The following EPM2A variants were observed in gnomAD, a reference collection of about 807,000 sequenced individuals.
The protein encoded by EPM2A is laforin.
Under a neutral mutation model 26.5 loss-of-function variants are expected in EPM2A, and 21 were observed. That is an observed-to-expected ratio of 0.79 (90% CI 0.56 to 1.14). EPM2A has a LOEUF of 1.14. EPM2A is among the 50% of genes most tolerant of loss of function. The pLI is 0.00. For synonymous variants in EPM2A, 217 were observed against 177.6 expected (o/e 1.22, Z -1.76); for missense variants, 458 against 440.8 (o/e 1.04, Z -0.35).
At chr6:145,507,540 G>A (rs1016390487) in intron 2 of EPM2A, among the ~76,000 whole-genome samples, 2 of 152,172 alleles carry the variant, frequency 1.3e-5, no homozygotes, top group Non-Finnish European at 2.9e-5. Context: ...ATAGAGAGAT[G>A]GAGACACTGG....
At chr6:145,623,642 AC>A (rs2045783739), downstream of EPM2A, among the ~76,000 whole-genome samples, 1 of 152,168 alleles carries the variant, frequency 6.6e-6, no homozygotes, top group Non-Finnish European at 1.5e-5. Flanking sequence ...GCTTTTAAAC[AC>A]AGGAGTGACA....
At chr6:145,489,694 G>T in intron 4 of EPM2A, 1 of 1,403,126 alleles carries the variant, frequency 7.1e-7, no homozygotes, top group Non-Finnish European at 1.0e-6. Context: ...AGAATCCACT[G>T]TTGGCTTGCT....
chr6:145,720,629 T>G (rs1343960936), intron 1 of EPM2A, among the ~76,000 whole-genome samples: 1 of 152,176 alleles, frequency 6.6e-6, no homozygotes, highest in African/African-American at 2.4e-5. Flanking sequence ...ATTGTCATAT[T>G]CATCAAACAG....
At chr6:145,614,413 T>C (rs1775462046) in intron 2 of EPM2A, among the ~76,000 whole-genome samples, 1 of 152,270 alleles carries the variant, frequency 6.6e-6, no homozygotes, top group Non-Finnish European at 1.5e-5. Flanking sequence ...GTAACACTTC[T>C]AATTTCCTTC....
intron 1 of EPM2A, among the ~76,000 whole-genome samples, chr6:145,720,719 T>C (rs1775908019): frequency 6.6e-6 from 1 of 152,218 alleles, no homozygotes; most frequent in Non-Finnish European, 1.5e-5. Flanking sequence ...GTAAATGTTA[T>C]GCTAACTTCT....
chr6:145,703,279 G>C (rs1338989710), intron 1 of EPM2A, among the ~76,000 whole-genome samples: 1 of 151,938 alleles, frequency 6.6e-6, no homozygotes, highest in Non-Finnish European at 1.5e-5. Context: ...TTTCAGGAGA[G>C]ACGGGGTTTT....
intron 2 of EPM2A, among the ~76,000 whole-genome samples, chr6:145,613,848 T>C (rs1443866376): frequency 6.6e-6 from 1 of 152,236 alleles, no homozygotes; most frequent in African/African-American, 2.4e-5. Flanking sequence ...AGATTTAGCA[T>C]AATTCTTAAG....
At chr6:145,391,731 G>C (rs975857303) in intron 4 of EPM2A, among the ~76,000 whole-genome samples, 1 of 152,100 alleles carries the variant, frequency 6.6e-6, no homozygotes, top group African/African-American at 2.4e-5. Context: ...TAGATTCCCC[G>C]TGATTGAAGA....
At chr6:145,619,454 A>C (rs1487064816) in intron 2 of EPM2A, among the ~76,000 whole-genome samples, 1 of 152,222 alleles carries the variant, frequency 6.6e-6, no homozygotes. Flanking sequence ...AGGATGATAG[A>C]ATGATTTTGG....
At chr6:145,505,333 TCTC>T (rs1779956456) in intron 2 of EPM2A, among the ~76,000 whole-genome samples, 1 of 152,052 alleles carries the variant, frequency 6.6e-6, no homozygotes, top group Non-Finnish European at 1.5e-5. Context: ...TCTATCTAGA[TCTC>T]CTAACAGTTA....
chr6:145,506,141 C>T (rs576454664), intron 2 of EPM2A, among the ~76,000 whole-genome samples: 9 of 152,322 alleles, frequency 5.9e-5, no homozygotes, highest in African/African-American at 1.2e-4. Context: ...AAGGACTTCA[C>T]ACTACAGTTT....
chr6:145,734,359 A>T (rs891526645), intron 1 of EPM2A, among the ~76,000 whole-genome samples: 1 of 152,230 alleles, frequency 6.6e-6, no homozygotes, highest in Non-Finnish European at 1.5e-5. Flanking sequence ...TTTGTAAAAA[A>T]AAAAAGTATA....
intron 4 of EPM2A, among the ~76,000 whole-genome samples, chr6:145,425,196 C>T (rs745784220): frequency 1.4e-5 from 2 of 146,352 alleles, no homozygotes; most frequent in Admixed American, 6.9e-5. Flanking sequence ...CTTTCTTTGA[C>T]GTAGTCTTGC....
Position 145,686,255 on chromosome 6 carries a change from T to C in EPM2A, c.343A>G (p.Asn115Asp). 1 of 1,614,034 alleles carries C rather than the reference T, an allele frequency of 6.2e-7. No homozygotes were observed. The highest frequency in any genetic ancestry group is 8.5e-7 in the Non-Finnish European group (1 of 1,179,924). The change falls in exon 2 of 4, where the codon AAC (asparagine) becomes GAC (aspartate). Residue 115 changes from asparagine to aspartate, a missense_variant. Physicochemically the swap from Asn to Asp is conservative, Grantham distance 23. Coordinates refer to ENST00000367519, the MANE Select transcript of EPM2A (RefSeq NM_005670.4). ...CAATACACACCATCCACCAAGTTGTTTTCATTGTAAGTACAGCAACGGTCA... is the reference window on the plus strand; with the variant it reads ...CAATACACACCATCCACCAAGTTGTCTTCATTGTAAGTACAGCAACGGTCA... ...HHDRCCTYNENNLVDGVYCLP... is the reference protein window; with the variant it reads ...HHDRCCTYNEDNLVDGVYCLP...
At chr6:145,664,720 G>C (rs1310737645) in intron 2 of EPM2A, among the ~76,000 whole-genome samples, 1 of 152,020 alleles carries the variant, frequency 6.6e-6, no homozygotes, top group Non-Finnish European at 1.5e-5. Flanking sequence ...ATTTTTTTCA[G>C]CACCACACCA....
At chr6:145,580,018 T>A (rs1781091084) in intron 2 of EPM2A, among the ~76,000 whole-genome samples, 1 of 152,194 alleles carries the variant, frequency 6.6e-6, no homozygotes, top group Non-Finnish European at 1.5e-5. Context: ...TAACATAGAT[T>A]ATAAGCTGCA....
chr6:145,428,015 A>G lies in EPM2A; in HGVS notation c.556-43918T>C, dbSNP rs367955214. ...GTGGATATTTATAATTATTTGTGAC[A>G]TTTTATTTTATATTTTCTGTTTACT... is the stretch of plus-strand genomic sequence containing the variant. On this transcript the variant is annotated intron_variant, in intron 4 of 4. Transcript: ENST00000638717. Among the ~76,000 whole-genome samples the G allele has an allele frequency of 2.2e-5, 3 of 136,394 alleles. No homozygotes were observed. In the South Asian group the frequency reaches 6.9e-4, roughly 32 times the overall value. 89.5% of individuals were successfully genotyped at this position (136,394 alleles called of 152,430 possible).
chr6:145,393,566 T>C lies in EPM2A; in HGVS notation c.556-9469A>G, dbSNP rs112525200. 5.2e-3 allele frequency among the ~76,000 whole-genome samples: 790 copies of C among 152,282 alleles called. 5 individuals are homozygous for C. Among genetic ancestry groups the C allele is most frequent in the African/African-American group, 0.018 (753 of 41,572 alleles). ...GGGAAGAGAATTTTTCTTTTCCTTG[T>C]GGTAAATTCAGCTGCGAGAATTTGA... is the stretch of plus-strand genomic sequence containing the variant. On this transcript the variant is annotated intron_variant, in intron 4 of 4. Coordinates refer to the EPM2A transcript ENST00000638717.
At chr6:145,731,641 G>A (rs1475473104) in intron 1 of EPM2A, among the ~76,000 whole-genome samples, 3 of 152,118 alleles carry the variant, frequency 2.0e-5, no homozygotes, top group African/African-American at 7.2e-5. Flanking sequence ...GGGGGTTGAG[G>A]GGAGGGAACT....
Sources: allele counts gnomAD v4.1 joint callset (sites outside exome capture counted in the v4.1 genomes callset), GRCh38; gene constraint gnomAD v4.1.1; transcripts MANE v1.5; gene names NCBI Gene and HGNC (gene_info 2026-07-23, HGNC 2026-07-21).